NDUFS8: variants seen among roughly 807,000 people sequenced by gnomAD.
NDUFS8 encodes NADH dehydrogenase [ubiquinone] iron-sulfur protein 8, mitochondrial.
A neutral mutation model predicts 25.6 loss-of-function variants in NDUFS8; 13 were observed. The ratio of observed to expected loss-of-function variants is 0.51; its 90% CI spans 0.33 to 0.81. The LOEUF is 0.81. Among genes scored for constraint, NDUFS8 ranks in the 30% least tolerant of loss-of-function variants. The probability of loss-of-function intolerance (pLI) is 0.02; values close to 1 mark genes in which losing one functional copy is unlikely to be tolerated. For synonymous variants in NDUFS8, 119 were observed against 119.4 expected (o/e 1.00, Z 0.02); for missense variants, 257 against 300.9 (o/e 0.85, Z 1.08).
rs139012228 is a variant in NDUFS8, at chr11:68,033,980, C to T, written c.372+697C>T. The T allele has an allele frequency of 5.8e-5, 9 of 156,130 alleles. No individual in the cohort carries two copies. The East Asian group carries it at 1.7e-3, about 30-fold the overall frequency. The allele number at this position is 156,130 out of a possible 1,614,324, so 9.7% of individuals were successfully genotyped here. On this transcript the variant is annotated intron_variant, in intron 5 of 6. Coordinates refer to ENST00000313468, the MANE Select transcript of NDUFS8 (RefSeq NM_002496.4). Reference sequence around the variant, plus strand: ...ACGGACTGAGAGTGCATAGGAGTGTCCCCAAACAGCAGTCACGATGGTCAC... The same window carrying T: ...ACGGACTGAGAGTGCATAGGAGTGTTCCCAAACAGCAGTCACGATGGTCAC...
chr11:68,034,655 ATAAC>A (rs1164031511), intron 5 of NDUFS8: 3 of 151,752 alleles, frequency 2.0e-5, no homozygotes, highest in African/African-American at 7.3e-5. Context: ...TCTACTAAAA[ATAAC>A]AAAACTTAGC....
At chr11:68,036,145 G>A in intron 5 of NDUFS8, 108 bp from the exon 6 acceptor site, 2 of 1,574,362 alleles carry the variant, frequency 1.3e-6, no homozygotes, top group South Asian at 1.1e-5. Flanking sequence ...GCCTTTGAGG[G>A]GAGAGGGCTT....
At position 68,032,215 on chromosome 11, in the gene NDUFS8, A is replaced by T; in HGVS notation, c.58+6A>T. On this transcript the variant is annotated splice_donor_region_variant and intron_variant, in intron 2 of 6. Coordinates refer to ENST00000313468, the MANE Select transcript of NDUFS8 (RefSeq NM_002496.4). ...GGCCCAGGCTGCACGTGCAGGTAGG[A>T]CCAAAGAAGCCTTTGCTGGGGGTAG... 6.2e-7 allele frequency: 1 copy of T among 1,613,536 alleles called. No individual in the cohort carries two copies.
At chr11:68,032,858 C>T (rs1854798377) in intron 3 of NDUFS8, 65 bp from the exon 4 acceptor site, 1 of 1,529,934 alleles carries the variant, frequency 6.5e-7, no homozygotes. Flanking sequence ...GCTGCTCTCC[C>T]TGAGGCTCCA....
At chr11:68,034,790 G>A (rs1293038719) in intron 5 of NDUFS8, 3 of 151,106 alleles carry the variant, frequency 2.0e-5, no homozygotes, top group Non-Finnish European at 4.4e-5. Flanking sequence ...AAAAATTAGG[G>A]CCGGTTGCGG....
At chr11:68,034,828 T>G (rs1007564195) in intron 5 of NDUFS8, 2 of 151,074 alleles carry the variant, frequency 1.3e-5, no homozygotes, top group Non-Finnish European at 2.9e-5. Flanking sequence ...CCCAGCACTT[T>G]GGGAGGCCAA....
In NDUFS8 at chr11:68,036,308, A is replaced by G; in HGVS notation, c.428A>G (p.Tyr143Cys). 1 of 1,613,604 alleles carries G rather than the reference A, an allele frequency of 6.2e-7. No individual in the cohort carries two copies. The highest frequency in any genetic ancestry group is 8.5e-7 in the Non-Finnish European group (1 of 1,180,000). ...RADGSRRTTR[Y>C]DIDMTKCIYC... ...GATGGCAGCCGCCGGACCACCCGCT[A>G]TGACATCGACATGACCAAGTGCATC... The change falls in exon 6 of 7, where the codon TAT (tyrosine) becomes TGT (cysteine). Residue 143 changes from tyrosine to cysteine, a missense_variant. Transcript: ENST00000313468.
At position 68,032,040 on chromosome 11, in the gene NDUFS8, T is replaced by A. The variant is rs1565145556; in HGVS notation, c.1-112T>A. On this transcript the variant is annotated intron_variant, in intron 1 of 6. Transcript: ENST00000313468. The stretch of plus-strand genomic sequence containing the variant: ...GCCTCTGACAGCAATGGGGTGCGAG[T>A]AGAGGGCAAAGTGACACATGTCAGT... The A allele has an allele frequency of 2.0e-6, 3 of 1,509,898 alleles. No homozygotes were observed. The East Asian group carries it at 6.8e-5, about 34-fold the overall frequency. The allele number at this position is 1,509,898 out of a possible 1,614,324, so 93.5% of individuals were successfully genotyped here. A position where few individuals can be genotyped will look rare whatever the true frequency, so the allele number is the denominator to read the frequency against.
intron 1 of NDUFS8, chr11:68,031,760 G>T (rs578211583): frequency 5.5e-6 from 2 of 361,104 alleles, no homozygotes; most frequent in African/African-American, 4.2e-5. Context: ...GTTCCTGGGG[G>T]AGGAGAGCTA....
rs1370739045 is a variant in NDUFS8 at position 68,033,020 on chromosome 11, C to A, written c.199+8C>A. 6.2e-7 allele frequency: 1 copy of A among 1,613,606 alleles called. No individual in the cohort carries two copies. Among genetic ancestry groups the A allele is most frequent in the African/African-American group, 1.3e-5 (1 of 74,930 alleles). On this transcript the variant is annotated splice_region_variant and intron_variant, in intron 4 of 6. Transcript: ENST00000313468. ...GGACTGAGCTCTTCCGAGGTGCGTC[C>A]TGGGCATGAGGGGACAGGGAAGGTG...
At chr11:68,035,991 C>T in intron 5 of NDUFS8, 1 of 439,566 alleles carries the variant, frequency 2.3e-6, no homozygotes, top group Non-Finnish European at 4.2e-6. Flanking sequence ...TGCACTCCAG[C>T]CTGGCGACAG....
At chr11:68,036,193 G>T (rs1297754914) in intron 5 of NDUFS8, 60 bp from the exon 6 acceptor site, 1 of 1,607,884 alleles carries the variant, frequency 6.2e-7, no homozygotes, top group Non-Finnish European at 8.5e-7. Context: ...CAGTGACAGG[G>T]GCCCTGGGGG....
At chr11:68,035,913 G>C in intron 5 of NDUFS8, 1 of 372,000 alleles carries the variant, frequency 2.7e-6, no homozygotes, top group East Asian at 6.8e-5. Context: ...CAGCTACTCA[G>C]GGGGCTGAGG....
At position 68,032,987 on chromosome 11, in the gene NDUFS8, C is replaced by T; in HGVS notation, c.174C>T (p.Thr58=). The T allele has an allele frequency of 1.2e-6, 2 of 1,613,852 alleles. No individual in the cohort carries two copies. The highest frequency in any genetic ancestry group is 1.7e-6 in the Non-Finnish European group (2 of 1,180,008). Residue 58 remains threonine, a synonymous_variant, in exon 4 of 7, where the codon ACC becomes ACT. Coordinates refer to ENST00000313468, the MANE Select transcript of NDUFS8 (RefSeq NM_002496.4). The part of the protein sequence containing the change: ...MKSVTDRAAR[T]LLWTELFRGL... ...CAGTGACTGACCGGGCAGCCCGCAC[C>T]CTGCTGTGGACTGAGCTCTTCCGAG... is the stretch of plus-strand genomic sequence containing the variant.
chr11:68,034,148 A>G (rs934181720), intron 5 of NDUFS8: 3 of 154,002 alleles, frequency 1.9e-5, no homozygotes, highest in African/African-American at 7.2e-5. Context: ...GCACTAAAGG[A>G]TGAGCCTGCC....
Position 68,031,653 on chromosome 11 carries a change from G to A in NDUFS8, c.1-499G>A, listed in dbSNP as rs1484424796. ...GTGAGCCACCACACCCAGCCCTAGC[G>A]AGTCACTCAACAAACTGAGTCCCAG... On this transcript the variant is annotated intron_variant, in intron 1 of 6. Coordinates refer to ENST00000313468, the MANE Select transcript of NDUFS8 (RefSeq NM_002496.4). The A allele has an allele frequency of 1.2e-5, 3 of 245,698 alleles. No homozygotes were observed. In the South Asian group the frequency reaches 1.4e-4, roughly 12 times the overall value. The allele number at this position is 245,698 out of a possible 1,614,324, so 15.2% of individuals were successfully genotyped here.
In NDUFS8 at chr11:68,033,258, T is replaced by C. The variant is rs2134414582; in HGVS notation, c.347T>C (p.Leu116Pro). 1 of 1,608,900 alleles carries C rather than the reference T, an allele frequency of 6.2e-7. No individual in the cohort carries two copies. The highest frequency in any genetic ancestry group is 2.2e-5 in the East Asian group (1 of 44,786). Residue 116 changes from leucine to proline, a missense_variant, in exon 5 of 7, where the codon CTC becomes CCC. By Grantham distance (98) the Leu-to-Pro change is moderately conservative. Transcript: ENST00000313468. ...GAGGAGCGTTGCATTGCCTGCAAGC[T>C]CTGCGAGGCCATCTGCCCCGCCCAG... ...SGEERCIACK[L>P]CEAICPAQAI...
rs2134414067 is a variant in NDUFS8, at chr11:68,032,955, A to G, written c.142A>G (p.Met48Val). Residue 48 changes from methionine to valine, a missense_variant, in exon 4 of 7, where the codon ATG (methionine) becomes GTG (valine). Coordinates refer to ENST00000313468, the MANE Select transcript of NDUFS8 (RefSeq NM_002496.4). ...GAACATGCAGGATCCCGAGATGGAC[A>G]TGAAGTCAGTGACTGACCGGGCAGC... ...YVNMQDPEMDMKSVTDRAART... is the reference protein window; with the variant it reads ...YVNMQDPEMDVKSVTDRAART... 6.2e-7 allele frequency: 1 copy of G among 1,613,900 alleles called. No individual in the cohort carries two copies. The highest frequency in any genetic ancestry group is 8.5e-7 in the Non-Finnish European group (1 of 1,179,996).
At chr11:68,036,100 A>G in intron 5 of NDUFS8, 153 bp from the exon 6 acceptor site, 1 of 1,205,192 alleles carries the variant, frequency 8.3e-7, no homozygotes, top group Non-Finnish European at 1.2e-6. Flanking sequence ...CGAGCACCAG[A>G]GGTGCAGGGC....
Sources: allele counts gnomAD v4.1 joint callset, GRCh38; gene constraint gnomAD v4.1.1; transcripts MANE v1.5; gene names NCBI Gene and HGNC (gene_info 2026-07-23, HGNC 2026-07-21).